The following ABCC3 variants were observed in gnomAD, a reference collection of about 807,000 sequenced individuals.
ABCC3 encodes ATP binding cassette subfamily C member 3, also known as ATP-binding cassette sub-family C member 3.
In ABCC3, 121 loss-of-function variants were observed where a neutral mutation model predicts 165.3. That is an observed-to-expected ratio of 0.73 (90% CI 0.63 to 0.85). The LOEUF (loss-of-function observed/expected upper bound fraction) is 0.85, where lower values mean the gene tolerates loss of function less well. Ranked by LOEUF, ABCC3 falls within the 40% of genes least tolerant of loss-of-function variation. The pLI, the probability that ABCC3 is intolerant of heterozygous loss-of-function variation, is 0.00. For synonymous variants in ABCC3, 733 were observed against 810.1 expected (o/e 0.90, Z 1.62); for missense variants, 1,869 against 1,964.1 (o/e 0.95, Z 0.92).
intron 1 of ABCC3, among the ~76,000 whole-genome samples, chr17:50,652,456 C>A (rs2107438): frequency 0.63 from 95,908 of 152,054 alleles, 31,408 homozygotes; most frequent in Non-Finnish European, 0.72. Flanking sequence ...ATTTTTTATT[C>A]ATTTAATCTT....
chr17:50,683,777 C>A (rs1248468198), intron 27 of ABCC3, 21 bp downstream of exon 27: 1 of 1,596,106 alleles, frequency 6.3e-7, no homozygotes, highest in South Asian at 1.1e-5. Context: ...GGTAGGCGGG[C>A]CTGCGTGTGT....
intron 11 of ABCC3, among the ~76,000 whole-genome samples, chr17:50,666,654 A>G (rs1210740594): frequency 1.3e-5 from 2 of 152,184 alleles, no homozygotes; most frequent in Non-Finnish European, 2.9e-5. Context: ...TGCCTCCCCC[A>G]TCAGATCGTC....
intron 1 of ABCC3, among the ~76,000 whole-genome samples, chr17:50,654,331 A>G (rs187869833): frequency 5.3e-5 from 8 of 152,226 alleles, no homozygotes; most frequent in Non-Finnish European, 1.0e-4. Context: ...AGATTAGTAC[A>G]TTAGTGGCCT....
intron 1 of ABCC3, among the ~76,000 whole-genome samples, chr17:50,638,090 G>A (rs920301711): frequency 6.6e-6 from 1 of 152,192 alleles, no homozygotes; most frequent in Admixed American, 6.5e-5. Flanking sequence ...TGTGCCTTGG[G>A]AGTTTTTGTG....
At chr17:50,640,808 A>C (rs561818012) in intron 1 of ABCC3, among the ~76,000 whole-genome samples, 107 of 152,236 alleles carry the variant, frequency 7.0e-4, no homozygotes, top group Admixed American at 4.6e-4. Flanking sequence ...CAGCACAGCC[A>C]GTTTTTGACC....
At chr17:50,676,884 TTTGG>T (rs1967827697) in intron 23 of ABCC3, among the ~76,000 whole-genome samples, 1 of 38,544 alleles carries the variant, frequency 2.6e-5, no homozygotes, top group Non-Finnish European at 5.3e-5. Flanking sequence ...GCTTTTTTTT[TTTGG>T]GGGGGGGGGG....
At chr17:50,664,787 T>C (rs543963486) in intron 10 of ABCC3, 1 of 211,912 alleles carries the variant, frequency 4.7e-6, no homozygotes, top group Admixed American at 5.4e-5. Flanking sequence ...ACTTCGAGGA[T>C]GCTGATGTCT....
At chr17:50,635,701 A>C (rs1317075952) in intron 1 of ABCC3, 1 of 662,660 alleles carries the variant, frequency 1.5e-6, no homozygotes, top group Non-Finnish European at 2.8e-6. Context: ...TACCCAGTTC[A>C]ATGAAGGCAG....
intron 1 of ABCC3, chr17:50,643,752 G>T: frequency 2.5e-6 from 1 of 396,738 alleles, no homozygotes; most frequent in African/African-American, 2.1e-5. Flanking sequence ...GTTGAGCAAG[G>T]GGGTAGGAGC....
chr17:50,664,218 C>T, intron 10 of ABCC3, 107 bp downstream of exon 10: 1 of 1,463,710 alleles, frequency 6.8e-7, no homozygotes. Flanking sequence ...GTAGTCCCAG[C>T]TGCTCAGGCG....
At chr17:50,653,156 G>A (rs1967143885) in intron 1 of ABCC3, among the ~76,000 whole-genome samples, 2 of 151,736 alleles carry the variant, frequency 1.3e-5, no homozygotes, top group Admixed American at 6.6e-5. Flanking sequence ...GACCAGCCTG[G>A]CCTACATGGT....
At chr17:50,658,398 A>G (rs1967304100) in intron 5 of ABCC3, 37 bp from the exon 6 acceptor site, 1 of 1,602,722 alleles carries the variant, frequency 6.2e-7, no homozygotes, top group Admixed American at 1.7e-5. Context: ...GGTGGTGGGC[A>G]CTCCTGATTC....
intron 1 of ABCC3, among the ~76,000 whole-genome samples, chr17:50,654,031 G>A (rs35364174): frequency 0.46 from 69,670 of 151,986 alleles, 16,645 homozygotes; most frequent in Non-Finnish European, 0.53. Context: ...CACTATGTAA[G>A]GAGGCAGCTT....
intron 6 of ABCC3, 114 bp downstream of exon 6, chr17:50,658,610 C>T (rs543596926): frequency 6.0e-5 from 70 of 1,171,840 alleles, no homozygotes; most frequent in Non-Finnish European, 7.6e-5. Flanking sequence ...TATCCCACCC[C>T]CCACCGCAGT....
In ABCC3 at chr17:50,684,917, C is replaced by T. The variant is rs376814484; in HGVS notation, c.4280+42C>T. On this transcript the variant is annotated intron_variant, in intron 29 of 30. Coordinates refer to ENST00000285238, the MANE Select transcript of ABCC3 (RefSeq NM_003786.4). ...CAGAGGTCAGGAACTGCAACCCTCC[C>T]TGGGAAACCCTGGCGGGTGCTGGGA... The T allele has an allele frequency of 5.0e-6, 8 of 1,595,696 alleles. No homozygotes were observed. The African/African-American group carries it at 6.7e-5, about 13-fold the overall frequency.
intron 20 of ABCC3, 65 bp from the exon 21 acceptor site, chr17:50,675,566 T>G (rs1352011518): frequency 6.4e-7 from 1 of 1,561,822 alleles, no homozygotes; most frequent in Non-Finnish European, 8.7e-7. Context: ...TCCCTGACAC[T>G]CCCAGCCTCT....
chr17:50,683,913 G>C, intron 27 of ABCC3, 36 bp from the exon 28 acceptor site: 1 of 1,604,302 alleles, frequency 6.2e-7, no homozygotes, highest in Non-Finnish European at 8.5e-7. Flanking sequence ...TGACCTCTCA[G>C]CTTCCCCCTC....
At position 50,657,196 on chromosome 17, in the gene ABCC3, G is replaced by C. The variant is rs553955583; in HGVS notation, c.486+13G>C. 1 of 1,612,664 alleles carries C rather than the reference G, an allele frequency of 6.2e-7. No homozygotes were observed. Among genetic ancestry groups the C allele is most frequent in the African/African-American group, 1.3e-5 (1 of 74,884 alleles). Reference sequence around the variant, plus strand: ...AGCCAAGGCAGAGGTAAGGTTGGGGGAGAGGGGAACCTGCCAGGTTTAGCC... The same window carrying C: ...AGCCAAGGCAGAGGTAAGGTTGGGGCAGAGGGGAACCTGCCAGGTTTAGCC... On this transcript the variant is annotated intron_variant, in intron 4 of 30. Coordinates refer to ENST00000285238, the MANE Select transcript of ABCC3 (RefSeq NM_003786.4).
chr17:50,660,963 G>A lies in ABCC3; in HGVS notation c.847G>A (p.Glu283Lys). ...AGCACCTGGGAAAAATGCCTCCGGC[G>A]AGGACGAGGTGCTGCTGGGTGCCCG... ...SAAPGKNASG[E>K]DEVLLGARPR... Residue 283 changes from glutamate (E) to lysine (K), a missense_variant, in exon 8 of 31, where the codon GAG becomes AAG. Transcript: ENST00000285238. 3 of 1,612,878 alleles carry A rather than the reference G, an allele frequency of 1.9e-6. No homozygotes were observed. Among genetic ancestry groups the A allele is most frequent in the Non-Finnish European group, 2.5e-6 (3 of 1,179,484 alleles).
Sources: gnomAD v4.1 joint callset for allele counts (sites outside exome capture counted in the v4.1 genomes callset) on GRCh38, gnomAD v4.1.1 for gene constraint, MANE v1.5 for transcripts, NCBI Gene and HGNC (gene_info 2026-07-23, HGNC 2026-07-21) for gene names.